PARD6G: variants seen among roughly 807,000 people sequenced by gnomAD.
PARD6G encodes par-6 family cell polarity regulator gamma.
A neutral mutation model predicts 10.7 loss-of-function variants in PARD6G; 7 were observed. That is an observed-to-expected ratio of 0.66 (90% CI 0.37 to 1.23). The LOEUF (loss-of-function observed/expected upper bound fraction) is 1.23, where lower values mean the gene tolerates loss of function less well. Ranked by LOEUF, PARD6G falls within the 50% of genes most tolerant of loss-of-function variation. The pLI, the probability that PARD6G is intolerant of heterozygous loss-of-function variation, is 0.02. For synonymous variants in PARD6G, 287 were observed against 269.4 expected (o/e 1.07, Z -0.64); for missense variants, 548 against 571.8 (o/e 0.96, Z 0.42).
chr18:80,222,977 T>C (rs1293000180), intron 1 of PARD6G, among the ~76,000 whole-genome samples: 1 of 152,164 alleles, frequency 6.6e-6, no homozygotes, highest in Non-Finnish European at 1.5e-5. Flanking sequence ...CAGCTGGTAA[T>C]CAATTTATTT....
At chr18:80,243,376 C>G (rs1005956838) in intron 1 of PARD6G, among the ~76,000 whole-genome samples, 1 of 152,134 alleles carries the variant, frequency 6.6e-6, no homozygotes, top group Non-Finnish European at 1.5e-5. Context: ...TTCTGTAACA[C>G]AAGAATGCGT....
Position 80,182,909 on chromosome 18 carries a change from T to C in PARD6G, c.295+19801A>G. 2 of 587,332 alleles carry C rather than the reference T, an allele frequency of 3.4e-6. No individual in the cohort carries two copies. Among genetic ancestry groups the C allele is most frequent in the Non-Finnish European group, 3.0e-6 (1 of 329,322 alleles). The allele number at this position is 587,332 out of a possible 1,614,324, so 36.4% of individuals were successfully genotyped here. A position where few individuals can be genotyped will look rare whatever the true frequency, so the allele number is the denominator to read the frequency against. ...CTAGGTACAGGGCTAGATGTTTGGC[T>C]GAAGCTGCGTGTGCCACAACACTGC... On this transcript the variant is annotated intron_variant, in intron 2 of 2. Transcript: ENST00000353265. This position sits in a 1 kb window ranked among gnomAD's most constrained non-coding sequence, Gnocchi z 4.5.
chr18:80,191,831 C>T (rs1966900787), intron 2 of PARD6G, among the ~76,000 whole-genome samples: 1 of 152,136 alleles, frequency 6.6e-6, no homozygotes, highest in African/African-American at 2.4e-5. Flanking sequence ...CAGCAGGAGA[C>T]TCAATGTTTA....
Position 80,175,816 on chromosome 18 carries a change from T to C in PARD6G, c.296-15210A>G, listed in dbSNP as rs186807155. ...GGTGGCCACTTCCTGGATGCACGACTGCTGTGTTTTGTGTTATGTTTTCTG... is the reference window on the plus strand; with the variant it reads ...GGTGGCCACTTCCTGGATGCACGACCGCTGTGTTTTGTGTTATGTTTTCTG... On this transcript the variant is annotated intron_variant, in intron 2 of 2. Transcript: ENST00000353265. The surrounding 1 kb of genome is among the most constrained non-coding windows in gnomAD (Gnocchi z 6.7). The C allele has an allele frequency of 6.0e-5, 10 of 167,306 alleles. No homozygotes were observed. The highest frequency in any genetic ancestry group is 2.4e-4 in the African/African-American group (10 of 41,600). The allele number at this position is 167,306 out of a possible 1,614,324, so 10.4% of individuals were successfully genotyped here.
chr18:80,247,159 TG>T lies in PARD6G; in HGVS notation c.72+117del. 1.4e-6 allele frequency: 1 copy of T among 712,162 alleles called. No homozygotes were observed. Among genetic ancestry groups the T allele is most frequent in the Non-Finnish European group, 2.1e-6 (1 of 479,334 alleles). The allele number at this position is 712,162 out of a possible 1,614,324, so 44.1% of individuals were successfully genotyped here. A position where few individuals can be genotyped will look rare whatever the true frequency, so the allele number is the denominator to read the frequency against. The stretch of plus-strand genomic sequence containing the variant: ...GCGGAGCGGCGCGCGGCGCCCGAAC[TG>T]GAAAGTTGTCGCCGGCGCCTGTCGC... On this transcript the variant is annotated intron_variant, in intron 1 of 2. Coordinates refer to ENST00000353265, the MANE Select transcript of PARD6G (RefSeq NM_032510.4). This position sits in a 1 kb window ranked among gnomAD's most constrained non-coding sequence, Gnocchi z 4.2.
intron 1 of PARD6G, among the ~76,000 whole-genome samples, chr18:80,220,955 T>C (rs1967221455): frequency 6.6e-6 from 1 of 152,090 alleles, no homozygotes. Context: ...GCCAACAAAT[T>C]GGATAACCTA....
In PARD6G at chr18:80,159,349, A is replaced by G. The variant is rs2052678166; in HGVS notation, c.*422T>C. 1 of 155,820 alleles carries G rather than the reference A, an allele frequency of 6.4e-6. No individual in the cohort carries two copies. Among genetic ancestry groups the G allele is most frequent in the African/African-American group, 2.4e-5 (1 of 41,594 alleles). 9.7% of individuals were successfully genotyped at this position (155,820 alleles called of 1,614,324 possible). On this transcript the variant is annotated 3_prime_UTR_variant, in exon 3 of 3. Transcript: ENST00000353265. The stretch of plus-strand genomic sequence containing the variant: ...ATCAGCACAGTCGGCCTCGCCTGCA[A>G]GTCAGCAGAGAGCACAGCAAGAATG...
At position 80,158,603 on chromosome 18, in the gene PARD6G, T is replaced by G. The variant is rs114283276; in HGVS notation, c.*1168A>C. On this transcript the variant is annotated 3_prime_UTR_variant, in exon 3 of 3. Transcript: ENST00000353265. ...GCTCACGTCTATAATCCTAGCATTTTTGGAGGCTGAGGGGGGACCGTATCA... is the reference window on the plus strand; with the variant it reads ...GCTCACGTCTATAATCCTAGCATTTGTGGAGGCTGAGGGGGGACCGTATCA... The G allele has an allele frequency of 4.1e-4, 63 of 152,312 alleles. No individual in the cohort carries two copies. The highest frequency in any genetic ancestry group is 1.5e-3 in the African/African-American group (62 of 41,564). 9.4% of individuals were successfully genotyped at this position (152,312 alleles called of 1,614,324 possible). A position where few individuals can be genotyped will look rare whatever the true frequency, so the allele number is the denominator to read the frequency against.
intron 2 of PARD6G, among the ~76,000 whole-genome samples, chr18:80,199,590 T>C (rs1966990446): frequency 6.6e-6 from 1 of 152,256 alleles, no homozygotes; most frequent in Non-Finnish European, 1.5e-5. Context: ...TTCTGTAGTT[T>C]ATCACTGTGT....
rs2052801893 is a variant in PARD6G, at chr18:80,175,337, C to A, written c.296-14731G>T. Among the ~76,000 whole-genome samples the A allele has an allele frequency of 6.6e-6, 1 of 152,146 alleles. No individual in the cohort carries two copies. The highest frequency in any genetic ancestry group is 1.5e-5 in the Non-Finnish European group (1 of 68,032). On this transcript the variant is annotated intron_variant, in intron 2 of 2. Coordinates refer to ENST00000353265, the MANE Select transcript of PARD6G (RefSeq NM_032510.4). The surrounding 1 kb of genome is among the most constrained non-coding windows in gnomAD (Gnocchi z 6.7). ...TAACAGTTCTGGAGGCTGGAAAGTC[C>A]CATATCAAGGTCCGGCTTGTAACAG... is the stretch of plus-strand genomic sequence containing the variant.
chr18:80,224,841 C>CA (rs1267270637), intron 1 of PARD6G, among the ~76,000 whole-genome samples: 1 of 144,422 alleles, frequency 6.9e-6, no homozygotes, highest in East Asian at 2.4e-4. Context: ...AGTGAGACTC[C>CA]GTTTCAAAAA....
At chr18:80,204,410 T>C (rs1252031769) in intron 1 of PARD6G, among the ~76,000 whole-genome samples, 1 of 152,114 alleles carries the variant, frequency 6.6e-6, no homozygotes, top group African/African-American at 2.4e-5. Flanking sequence ...GCTGATGCTA[T>C]TGATCTGGGG....
rs138443848 is a variant in PARD6G, at chr18:80,185,035, GTCT to G, written c.295+17672_295+17674del. The stretch of plus-strand genomic sequence containing the variant: ...CCTCCTAGGTGTTGCAACCTTGAAT[GTCT>G]TTTAAGAGAGAGATTTGTGAGAGAG... On this transcript the variant is annotated intron_variant, in intron 2 of 2. Coordinates refer to ENST00000353265, the MANE Select transcript of PARD6G (RefSeq NM_032510.4). 5 of 152,294 alleles carry G rather than the reference GTCT, an allele frequency of 3.3e-5. No homozygotes were observed. The East Asian group carries it at 9.6e-4, about 29-fold the overall frequency. 9.4% of individuals were successfully genotyped at this position (152,294 alleles called of 1,614,324 possible).
At chr18:80,166,707 AG>A (rs992004597) in intron 2 of PARD6G, among the ~76,000 whole-genome samples, 1 of 151,494 alleles carries the variant, frequency 6.6e-6, no homozygotes, top group African/African-American at 2.4e-5. Flanking sequence ...GACAGTCCAC[AG>A]GGTCCTCACT....
At chr18:80,173,899 T>C (rs1435400296) in intron 2 of PARD6G, among the ~76,000 whole-genome samples, 2 of 152,282 alleles carry the variant, frequency 1.3e-5, no homozygotes, top group Non-Finnish European at 2.9e-5. Context: ...GAGTTATTAG[T>C]CCTGGGGCAG....
intron 2 of PARD6G, among the ~76,000 whole-genome samples, chr18:80,191,961 C>T (rs530151303): frequency 3.3e-5 from 5 of 152,298 alleles, no homozygotes; most frequent in South Asian, 2.1e-4. Context: ...TATTTCCTAA[C>T]GCTGACAAAC....
chr18:80,210,899 A>G (rs73971900), intron 1 of PARD6G, among the ~76,000 whole-genome samples: 8,593 of 82,814 alleles, frequency 0.1, 258 homozygotes, highest in Middle Eastern at 0.21. Flanking sequence ...CCCACCCCCC[A>G]TCCCCAAACA....
chr18:80,217,912 G>C (rs1047535046), intron 1 of PARD6G, among the ~76,000 whole-genome samples: 3 of 152,186 alleles, frequency 2.0e-5, no homozygotes, highest in Admixed American at 6.6e-5. Flanking sequence ...GTGGCAGCAA[G>C]GAGAAGTGCA....
At chr18:80,167,504 T>G (rs1300709466) in intron 2 of PARD6G, among the ~76,000 whole-genome samples, 3 of 152,096 alleles carry the variant, frequency 2.0e-5, no homozygotes. Flanking sequence ...AGGGAAGGTC[T>G]TTTGTGTAAC....
Sources: gnomAD v4.1 joint callset for allele counts (sites outside exome capture counted in the v4.1 genomes callset) on GRCh38, gnomAD v4.1.1 for gene constraint, Gnocchi (gnomAD v3.1) non-coding constraint, MANE v1.5 for transcripts, NCBI Gene and HGNC (gene_info 2026-07-23, HGNC 2026-07-21) for gene names.